The following ARHGEF28 variants were observed in gnomAD, a reference collection of about 807,000 sequenced individuals.
The protein encoded by ARHGEF28 is 190 kDa guanine nucleotide exchange factor.
ARHGEF28 carries 152 observed loss-of-function variants against 206.6 expected under a neutral mutation model. The observed-to-expected ratio is 0.74, with a 90% confidence interval of 0.64 to 0.84. The LOEUF is 0.84. Among genes scored for constraint, ARHGEF28 ranks in the 40% least tolerant of loss-of-function variants. The probability of loss-of-function intolerance (pLI) is 0.00; values close to 1 mark genes in which losing one functional copy is unlikely to be tolerated. For synonymous variants in ARHGEF28, 763 were observed against 776.4 expected, an observed-to-expected ratio of 0.98 and a Z score of 0.29; for missense variants, 2,028 against 2,073.2, an observed-to-expected ratio of 0.98 and a Z score of 0.42.
chr5:73,852,588 A>T (rs1374704174), intron 13 of ARHGEF28, 62 bp from the exon 14 acceptor site: 1 of 1,454,732 alleles, frequency 6.9e-7, no homozygotes, highest in Admixed American at 1.7e-5. Flanking sequence ...TGCATTTCAG[A>T]CTAACATATG....
rs757551276 is a variant in ARHGEF28 at position 73,872,980 on chromosome 5, G to A, written c.2567-19G>A. The A allele has an allele frequency of 2.5e-6, 4 of 1,611,964 alleles. No homozygotes were observed. Among genetic ancestry groups the A allele is most frequent in the Non-Finnish European group, 3.4e-6 (4 of 1,178,564 alleles). Reference sequence around the variant, plus strand: ...TTTTTAAAGCTTGTTTAAGGCTTATGTGTGCTCACACATTTCAGAGCTAAT... The same window carrying A: ...TTTTTAAAGCTTGTTTAAGGCTTATATGTGCTCACACATTTCAGAGCTAAT... On this transcript the variant is annotated intron_variant, in intron 21 of 35. Transcript: ENST00000513042.
At chr5:73,742,595 C>A (rs529799681) in intron 2 of ARHGEF28, among the ~76,000 whole-genome samples, 4 of 151,382 alleles carry the variant, frequency 2.6e-5, no homozygotes, top group Non-Finnish European at 5.9e-5. Flanking sequence ...GAGGCCGAGG[C>A]GGGTGGATCA....
intron 1 of ARHGEF28, among the ~76,000 whole-genome samples, chr5:73,667,715 T>C (rs1453809350): frequency 2.6e-5 from 4 of 152,220 alleles, no homozygotes; most frequent in Admixed American, 6.5e-5. Context: ...TCCTTTTAAT[T>C]ATAAATTTCA....
At chr5:73,647,517 C>A (rs1244711504) in intron 1 of ARHGEF28, among the ~76,000 whole-genome samples, 1 of 152,164 alleles carries the variant, frequency 6.6e-6, no homozygotes, top group Non-Finnish European at 1.5e-5. Flanking sequence ...ATGTAAGCCA[C>A]ATAATTTAAA....
chr5:73,801,445 T>C (rs950549200), intron 9 of ARHGEF28, among the ~76,000 whole-genome samples: 15 of 150,918 alleles, frequency 9.9e-5, no homozygotes, highest in African/African-American at 3.7e-4. Context: ...AGACTCCATC[T>C]CAAAAAATAA....
At chr5:73,678,204 A>G (rs968525973) in intron 1 of ARHGEF28, among the ~76,000 whole-genome samples, 1 of 152,224 alleles carries the variant, frequency 6.6e-6, no homozygotes, top group African/African-American at 2.4e-5. Flanking sequence ...TATTTGCTCC[A>G]GCATATTTTT....
At chr5:73,652,776 A>G (rs932241172) in intron 1 of ARHGEF28, among the ~76,000 whole-genome samples, 2 of 152,214 alleles carry the variant, frequency 1.3e-5, no homozygotes, top group African/African-American at 4.8e-5. Context: ...GGAGTGGCCA[A>G]TGATTATTAT....
intron 7 of ARHGEF28, among the ~76,000 whole-genome samples, chr5:73,781,554 T>C (rs1478065176): frequency 6.6e-6 from 1 of 152,182 alleles, no homozygotes; most frequent in African/African-American, 2.4e-5. Context: ...AAATTAATTT[T>C]GGTCTTTTAG....
At chr5:73,651,297 T>G (rs1744813010) in intron 1 of ARHGEF28, among the ~76,000 whole-genome samples, 1 of 152,212 alleles carries the variant, frequency 6.6e-6, no homozygotes, top group Non-Finnish European at 1.5e-5. Flanking sequence ...GTTTTCTCAT[T>G]CATAAAGTGG....
In ARHGEF28 at chr5:73,941,149, C is replaced by G; in HGVS notation, c.*136C>G. The G allele has an allele frequency of 2.2e-6, 2 of 898,196 alleles. No homozygotes were observed. Among genetic ancestry groups the G allele is most frequent in the South Asian group, 3.6e-5 (1 of 28,068 alleles). 55.6% of individuals were successfully genotyped at this position (898,196 alleles called of 1,614,324 possible). A position where few individuals can be genotyped will look rare whatever the true frequency, so the allele number is the denominator to read the frequency against. On this transcript the variant is annotated 3_prime_UTR_variant, in exon 36 of 36. Coordinates refer to ENST00000513042, the MANE Select transcript of ARHGEF28 (RefSeq NM_001177693.2). ...TAATATTTAATATTTCCTGGAAGCT[C>G]ATTTTTTTGGCATGAGTCTAATTAA... is the stretch of plus-strand genomic sequence containing the variant.
At position 73,858,234 on chromosome 5, in the gene ARHGEF28, C is replaced by A. The variant is rs566600583; in HGVS notation, c.2047+15C>A. The A allele has an allele frequency of 1.2e-5, 18 of 1,558,252 alleles. No homozygotes were observed. The highest frequency in any genetic ancestry group is 2.2e-5 in the Admixed American group (1 of 46,360). Reference sequence around the variant, plus strand: ...GCAGTGTTCTAGTAAGTTCTCAGGTCTATGTGCGCTGTCTTTGTTTTCATC... The same window carrying A: ...GCAGTGTTCTAGTAAGTTCTCAGGTATATGTGCGCTGTCTTTGTTTTCATC... On this transcript the variant is annotated intron_variant, in intron 16 of 35. Transcript: ENST00000513042.
intron 9 of ARHGEF28, among the ~76,000 whole-genome samples, chr5:73,824,475 T>TC (rs1756777624): frequency 6.6e-6 from 1 of 151,300 alleles, no homozygotes; most frequent in Non-Finnish European, 1.5e-5. Flanking sequence ...TTGAAGACTT[T>TC]TTTTTTTTTT....
intron 12 of ARHGEF28, among the ~76,000 whole-genome samples, chr5:73,846,963 A>G (rs143652388): frequency 3.7e-4 from 57 of 152,340 alleles, no homozygotes; most frequent in African/African-American, 1.3e-3. Context: ...CAACTTTTCC[A>G]TAGGAGCCAG....
intron 2 of ARHGEF28, 138 bp from the exon 3 acceptor site, chr5:73,749,699 G>A: frequency 2.5e-6 from 2 of 809,660 alleles, no homozygotes; most frequent in Non-Finnish European, 3.9e-6. Flanking sequence ...TTGGAAGGAA[G>A]CACTCATGCT....
intron 35 of ARHGEF28, chr5:73,923,305 A>C: frequency 1.4e-6 from 1 of 738,620 alleles, no homozygotes; most frequent in Non-Finnish European, 2.1e-6. Context: ...CAAATACTAA[A>C]TTTGTCTTTA....
chr5:73,792,634 CTT>C (rs2112482058), intron 7 of ARHGEF28, among the ~76,000 whole-genome samples: 1 of 142,988 alleles, frequency 7.0e-6, no homozygotes, highest in African/African-American at 2.6e-5. Context: ...CCAGGTTATC[CTT>C]CCCTTCTTTT....
intron 22 of ARHGEF28, among the ~76,000 whole-genome samples, chr5:73,878,418 A>AT (rs1760679921): frequency 6.6e-6 from 1 of 151,714 alleles, no homozygotes. Flanking sequence ...CATTTAGTCC[A>AT]TTTACATTTA....
chr5:73,730,949 A>AT lies in ARHGEF28; in HGVS notation c.34-18878dup, dbSNP rs555896415. Among the ~76,000 whole-genome samples, 456 of 145,868 alleles carry AT rather than the reference A, an allele frequency of 3.1e-3. 4 individuals carry two copies. The highest frequency in any genetic ancestry group is 4.6e-3 in the Non-Finnish European group (304 of 66,476). Reference sequence around the variant, plus strand: ...TTTGGGACAGTATGTACTGAGCTAGATTTTTTTTTTGCAATGATCAGATGA... The same window carrying AT: ...TTTGGGACAGTATGTACTGAGCTAGATTTTTTTTTTTGCAATGATCAGATGA... On this transcript the variant is annotated intron_variant, in intron 2 of 35. Coordinates refer to ENST00000513042, the MANE Select transcript of ARHGEF28 (RefSeq NM_001177693.2).
Position 73,626,226 on chromosome 5 carries a change from C to G in ARHGEF28, c.-108C>G, listed in dbSNP as rs1313177666. 6.6e-6 allele frequency: 1 copy of G among 151,756 alleles called. No individual in the cohort carries two copies. The highest frequency in any genetic ancestry group is 1.5e-5 in the Non-Finnish European group (1 of 67,992). The allele number at this position is 151,756 out of a possible 1,614,324, so 9.4% of individuals were successfully genotyped here. Reference sequence around the variant, plus strand: ...CGGGGAGAGCCTTCCGGACTCCGGGCGGCGGCTGGCTGGGGGCGCGTTCCG... The same window carrying G: ...CGGGGAGAGCCTTCCGGACTCCGGGGGGCGGCTGGCTGGGGGCGCGTTCCG... On this transcript the variant is annotated 5_prime_UTR_variant, in exon 1 of 36. Coordinates refer to ENST00000513042, the MANE Select transcript of ARHGEF28 (RefSeq NM_001177693.2).
Sources: allele counts gnomAD v4.1 joint callset (sites outside exome capture counted in the v4.1 genomes callset), GRCh38; gene constraint gnomAD v4.1.1; transcripts MANE v1.5; gene names NCBI Gene and HGNC (gene_info 2026-07-23, HGNC 2026-07-21).